KAZN: variants seen among roughly 807,000 people sequenced by gnomAD.
The protein encoded by KAZN is kazrin.
KAZN carries 40 observed loss-of-function variants against 87.4 expected under a neutral mutation model. The ratio of observed to expected loss-of-function variants is 0.46; its 90% CI spans 0.36 to 0.60. The LOEUF is 0.60. Ranked by LOEUF, KAZN falls within the 20% of genes least tolerant of loss-of-function variation. KAZN has a pLI of 0.00. For synonymous variants in KAZN, 466 were observed against 458.3 expected, an observed-to-expected ratio of 1.02 and a Z score of -0.22; for missense variants, 898 against 1,073.9, an observed-to-expected ratio of 0.84 and a Z score of 2.29.
chr1:14,500,094 C>T (rs1670159057), intron 2 of KAZN, among the ~76,000 whole-genome samples: 1 of 152,242 alleles, frequency 6.6e-6, no homozygotes, highest in East Asian at 1.9e-4. Flanking sequence ...ATTTTTAATA[C>T]TTTCTATGAA....
At position 14,120,789 on chromosome 1, in the gene KAZN, C is replaced by T. The variant is rs148963123; in HGVS notation, c.92-59646C>T. Among the ~76,000 whole-genome samples the T allele has an allele frequency of 5.9e-4, 90 of 152,316 alleles. 1 individual carries two copies. The highest frequency in any genetic ancestry group is 2.1e-3 in the African/African-American group (87 of 41,560). On this transcript the variant is annotated intron_variant, in intron 1 of 16. Coordinates refer to the KAZN transcript ENST00000636203. Reference sequence around the variant, plus strand: ...TGTGTCTGATCTTGCTTTCTCCAACCCCCTGTCTGTGTGTCCTGGGAGGGA... The same window carrying T: ...TGTGTCTGATCTTGCTTTCTCCAACTCCCTGTCTGTGTGTCCTGGGAGGGA...
At chr1:14,521,697 G>A (rs895869179) in intron 2 of KAZN, among the ~76,000 whole-genome samples, 4 of 152,146 alleles carry the variant, frequency 2.6e-5, no homozygotes, top group African/African-American at 7.2e-5. Flanking sequence ...CTGGGCCCTT[G>A]GGTTGCCCTC....
At chr1:15,060,142 C>G (rs956909238) in intron 5 of KAZN, 30 bp from the exon 6 acceptor site, 1 of 1,613,358 alleles carries the variant, frequency 6.2e-7, no homozygotes, top group Non-Finnish European at 8.5e-7. Context: ...TCTCTCCATC[C>G]CTCACTCACC....
At chr1:14,113,799 A>G (rs12026571) in intron 1 of KAZN, among the ~76,000 whole-genome samples, 2 of 151,840 alleles carry the variant, frequency 1.3e-5, no homozygotes, top group East Asian at 2.0e-4. Context: ...GAGGATTTAC[A>G]TGAAGACTCA....
intron 2 of KAZN, among the ~76,000 whole-genome samples, chr1:14,491,758 T>G (rs887326754): frequency 6.6e-6 from 1 of 152,184 alleles, no homozygotes; most frequent in African/African-American, 2.4e-5. Context: ...GATTATACCA[T>G]TTATCTATAT....
At chr1:14,693,230 C>T (rs754053831) in intron 1 of KAZN, among the ~76,000 whole-genome samples, 9 of 152,200 alleles carry the variant, frequency 5.9e-5, no homozygotes, top group East Asian at 1.9e-4. Flanking sequence ...TCACCTCCTT[C>T]GCATTTGCCG....
rs1644956585 is a variant in KAZN, at chr1:14,769,083, G to T, written c.226+169860G>T. 6.6e-6 allele frequency among the ~76,000 whole-genome samples: 1 copy of T among 152,296 alleles called. No individual in the cohort carries two copies. Among genetic ancestry groups the T allele is most frequent in the South Asian group, 2.1e-4 (1 of 4,824 alleles). The stretch of plus-strand genomic sequence containing the variant: ...TACCAGGCAAAGAGCCCATTTGAAG[G>T]CTCAACCCTTTAGAGCTCCCTTTGC... On this transcript the variant is annotated intron_variant, in intron 1 of 14. Coordinates refer to ENST00000376030, the MANE Select transcript of KAZN (RefSeq NM_201628.3). The surrounding 1 kb of genome is among the most constrained non-coding windows in gnomAD (Gnocchi z 4.1).
chr1:14,515,461 G>A (rs1671251542), intron 2 of KAZN, among the ~76,000 whole-genome samples: 1 of 152,202 alleles, frequency 6.6e-6, no homozygotes, highest in African/African-American at 2.4e-5. Flanking sequence ...CCGTATGTGG[G>A]AACCACACAG....
At chr1:14,899,570 A>G (rs2801176) in intron 1 of KAZN, among the ~76,000 whole-genome samples, 131,674 of 152,212 alleles carry the variant, frequency 0.87, 58,145 homozygotes, top group Middle Eastern at 0.95. Flanking sequence ...CTGACTTCCT[A>G]TCCGTATGGT....
chr1:14,858,615 A>G (rs1302287446), intron 1 of KAZN, among the ~76,000 whole-genome samples: 19 of 152,240 alleles, frequency 1.2e-4, no homozygotes. Flanking sequence ...TTCATGTACA[A>G]GTATTCAATT....
At position 14,411,325 on chromosome 1, in the gene KAZN, C is replaced by T. The variant is rs542900704; in HGVS notation, c.250-187658C>T. ...CGAATTTCTTTTTGAGACCGAGTCT[C>T]GCTCTGTCACCCAGGCTGGAGTGCA... is the stretch of plus-strand genomic sequence containing the variant. On this transcript the variant is annotated intron_variant, in intron 2 of 16. Coordinates refer to the KAZN transcript ENST00000636203. 4.0e-4 allele frequency among the ~76,000 whole-genome samples: 61 copies of T among 152,280 alleles called. No homozygotes were observed. In the East Asian group the frequency reaches 5.6e-3, roughly 14 times the overall value.
intron 1 of KAZN, among the ~76,000 whole-genome samples, chr1:14,883,342 G>GAGAGAAAGAAAGA (rs1377953212): frequency 1.3e-3 from 44 of 33,474 alleles, no homozygotes; most frequent in Middle Eastern, 0.012. Context: ...GAGAGAGAGA[G>GAGAGAAAGAAAGA]AAAGAAAGAA....
chr1:14,185,624 A>G (rs555282401), intron 2 of KAZN, among the ~76,000 whole-genome samples: 2 of 152,256 alleles, frequency 1.3e-5, no homozygotes, highest in East Asian at 1.9e-4. Context: ...TACTGCCACA[A>G]TAGTTTTGAT....
intron 1 of KAZN, among the ~76,000 whole-genome samples, chr1:13,917,848 C>T (rs1639916955): frequency 6.6e-6 from 1 of 151,060 alleles, no homozygotes; most frequent in Non-Finnish European, 1.5e-5. Context: ...ATCTATTCCA[C>T]CTGTGCTCTA....
chr1:15,112,380 G>T, intron 13 of KAZN, 47 bp from the exon 14 acceptor site: 1 of 901,520 alleles, frequency 1.1e-6, no homozygotes, highest in Non-Finnish European at 1.8e-6. Context: ...TGTGTCTGGG[G>T]AGCTGACTGA....
At chr1:14,869,214 T>C (rs1651874192) in intron 1 of KAZN, among the ~76,000 whole-genome samples, 1 of 152,200 alleles carries the variant, frequency 6.6e-6, no homozygotes, top group African/African-American at 2.4e-5. Flanking sequence ...AGTTTGCTCC[T>C]TTAAATCTCC....
intron 1 of KAZN, among the ~76,000 whole-genome samples, chr1:13,936,096 G>GTTTTTTTGTTT (rs1640727026): frequency 1.2e-5 from 1 of 84,840 alleles, no homozygotes; most frequent in African/African-American, 4.3e-5. Context: ...TACAAGTGCA[G>GTTTTTTTGTTT]TTTTTTTTTT....
At chr1:14,382,458 T>TCCCCCCC (rs1553164584) in intron 2 of KAZN, among the ~76,000 whole-genome samples, 14 of 38,048 alleles carry the variant, frequency 3.7e-4, no homozygotes, top group African/African-American at 4.1e-4. Flanking sequence ...CCCAATGCTA[T>TCCCCCCC]CCCTCCCCCC....
At chr1:14,360,252 G>A (rs1659391893) in intron 2 of KAZN, among the ~76,000 whole-genome samples, 1 of 152,044 alleles carries the variant, frequency 6.6e-6, no homozygotes, top group African/African-American at 2.4e-5. Context: ...ACTTGTGTAT[G>A]ATTCTCGAAG....
Sources: gnomAD v4.1 joint callset for allele counts (sites outside exome capture counted in the v4.1 genomes callset) on GRCh38, gnomAD v4.1.1 for gene constraint, Gnocchi (gnomAD v3.1) non-coding constraint, MANE v1.5 for transcripts, NCBI Gene and HGNC (gene_info 2026-07-23, HGNC 2026-07-21) for gene names.